The following GABRB1 variants were observed in gnomAD, a reference collection of about 807,000 sequenced individuals.
GABRB1 encodes the protein gamma-aminobutyric acid receptor subunit beta-1.
In GABRB1, 17 loss-of-function variants were observed where a neutral mutation model predicts 51.6. That is an observed-to-expected ratio of 0.33 (90% CI 0.23 to 0.49). The LOEUF is 0.49. GABRB1 is among the 20% of genes least tolerant of loss of function. GABRB1 has a pLI of 0.99. For synonymous variants in GABRB1, 247 were observed against 218.9 expected, an observed-to-expected ratio of 1.13 and a Z score of -1.14; for missense variants, 410 against 600.6, an observed-to-expected ratio of 0.68 and a Z score of 3.32.
At chr4:47,406,437 T>TA (rs1010279294) in intron 7 of GABRB1, among the ~76,000 whole-genome samples, 1 of 152,110 alleles carries the variant, frequency 6.6e-6, no homozygotes, top group African/African-American at 2.4e-5. Flanking sequence ...TTTGTGCAAT[T>TA]AAAAAAATGG....
chr4:47,381,698 C>G (rs1287888147), intron 5 of GABRB1, among the ~76,000 whole-genome samples: 1 of 152,174 alleles, frequency 6.6e-6, no homozygotes, highest in Non-Finnish European at 1.5e-5. Flanking sequence ...GGGTCAGAGA[C>G]AGACACAGGC....
At chr4:47,323,040 T>C (rs1044408352) in intron 5 of GABRB1, among the ~76,000 whole-genome samples, 1 of 152,110 alleles carries the variant, frequency 6.6e-6, no homozygotes, top group African/African-American at 2.4e-5. Flanking sequence ...CTGGAAACAC[T>C]CTTGGCTAGG....
At chr4:46,997,890 G>A (rs529505814) in intron 1 of GABRB1, among the ~76,000 whole-genome samples, 1 of 152,222 alleles carries the variant, frequency 6.6e-6, no homozygotes, top group South Asian at 2.1e-4. Context: ...AAACATTAGA[G>A]CTCAGATATC....
chr4:47,066,090 C>A (rs1577875553), intron 3 of GABRB1, among the ~76,000 whole-genome samples: 1 of 152,154 alleles, frequency 6.6e-6, no homozygotes, highest in East Asian at 1.9e-4. Flanking sequence ...CTTAGGTGCC[C>A]AGAAATACCA....
chr4:47,365,383 C>T (rs1489643712), intron 5 of GABRB1, among the ~76,000 whole-genome samples: 2 of 152,120 alleles, frequency 1.3e-5, no homozygotes, highest in African/African-American at 2.4e-5. Flanking sequence ...AGTTAATTAC[C>T]ACTTAGTTTG....
At chr4:47,252,987 T>A (rs888328948) in intron 4 of GABRB1, among the ~76,000 whole-genome samples, 9 of 152,320 alleles carry the variant, frequency 5.9e-5, no homozygotes, top group Middle Eastern at 6.8e-3. Context: ...CTAAGCACTT[T>A]ATATACATTG....
chr4:47,070,243 T>A (rs770038300), intron 3 of GABRB1, among the ~76,000 whole-genome samples: 2 of 151,998 alleles, frequency 1.3e-5, no homozygotes, highest in Non-Finnish European at 2.9e-5. Flanking sequence ...ACCATATTGG[T>A]TAGCCTGGTC....
At chr4:47,068,625 A>T (rs1423303076) in intron 3 of GABRB1, among the ~76,000 whole-genome samples, 1 of 152,206 alleles carries the variant, frequency 6.6e-6, no homozygotes, top group Non-Finnish European at 1.5e-5. Flanking sequence ...GAGCAATCAG[A>T]ACACACAAAA....
intron 4 of GABRB1, among the ~76,000 whole-genome samples, chr4:47,206,329 G>T (rs558287919): frequency 1.3e-5 from 2 of 151,894 alleles, no homozygotes; most frequent in Admixed American, 6.6e-5. Flanking sequence ...GAATGCCAAG[G>T]GTAGAAATGG....
chr4:47,050,429 G>GTATATA (rs34799114), intron 3 of GABRB1, among the ~76,000 whole-genome samples: 1 of 151,448 alleles, frequency 6.6e-6, no homozygotes, highest in African/African-American at 2.4e-5. Context: ...ATGTATATAC[G>GTATATA]TATATATATA....
chr4:47,333,245 G>T (rs917735487), intron 5 of GABRB1, among the ~76,000 whole-genome samples: 1 of 131,096 alleles, frequency 7.6e-6, no homozygotes. Context: ...TACACACCAC[G>T]TATTAATATG....
At chr4:47,316,964 A>C (rs568178216) in intron 4 of GABRB1, among the ~76,000 whole-genome samples, 24 of 152,126 alleles carry the variant, frequency 1.6e-4, no homozygotes, top group Admixed American at 1.0e-3. Context: ...GATCAACATT[A>C]GAACTTACAA....
chr4:47,328,788 G>A (rs1343711173), intron 5 of GABRB1, among the ~76,000 whole-genome samples: 1 of 151,864 alleles, frequency 6.6e-6, no homozygotes, highest in Non-Finnish European at 1.5e-5. Flanking sequence ...GAGCGGGGAG[G>A]GATAGCCTTT....
intron 4 of GABRB1, among the ~76,000 whole-genome samples, chr4:47,170,663 G>A (rs1480533127): frequency 6.6e-6 from 1 of 152,168 alleles, no homozygotes; most frequent in African/African-American, 2.4e-5. Flanking sequence ...TATGAGAGTT[G>A]ATGTAGTATT....
intron 2 of GABRB1, 90 bp from the exon 3 acceptor site, chr4:47,032,327 A>G: frequency 8.3e-7 from 1 of 1,199,420 alleles, no homozygotes; most frequent in Middle Eastern, 2.0e-4. Flanking sequence ...GCCCGTTAAG[A>G]ATGGAGTAAG....
chr4:47,360,273 C>G (rs1007514200), intron 5 of GABRB1, among the ~76,000 whole-genome samples: 4 of 151,724 alleles, frequency 2.6e-5, no homozygotes, highest in African/African-American at 9.7e-5. Flanking sequence ...TAGGAAACAT[C>G]ATTTTTAGGA....
chr4:47,360,612 A>G (rs956690084), intron 5 of GABRB1, among the ~76,000 whole-genome samples: 4 of 152,152 alleles, frequency 2.6e-5, no homozygotes, highest in Non-Finnish European at 5.9e-5. Flanking sequence ...GGAGCAAATC[A>G]TAATGCCTTT....
intron 5 of GABRB1, among the ~76,000 whole-genome samples, chr4:47,328,996 T>C (rs1460776620): frequency 6.6e-6 from 1 of 151,240 alleles, no homozygotes; most frequent in Non-Finnish European, 1.5e-5. Context: ...TCTGAGAAAA[T>C]GGGAGGTTTG....
intron 5 of GABRB1, among the ~76,000 whole-genome samples, chr4:47,382,095 T>C (rs1486906186): frequency 6.6e-6 from 1 of 152,200 alleles, no homozygotes; most frequent in Non-Finnish European, 1.5e-5. Flanking sequence ...TCTATCCTAA[T>C]AGAATAGAAT....
Sources: allele counts gnomAD v4.1 joint callset (sites outside exome capture counted in the v4.1 genomes callset), GRCh38; gene constraint gnomAD v4.1.1; transcripts MANE v1.5; gene names NCBI Gene and HGNC (gene_info 2026-07-23, HGNC 2026-07-21).